Variants in FHIT observed in about 807,000 individuals in gnomAD.
FHIT encodes the protein bis(5'-adenosyl)-triphosphatase.
Under a neutral mutation model 17.9 loss-of-function variants are expected in FHIT, and 19 were observed. That is an observed-to-expected ratio of 1.06 (90% CI 0.74 to 1.56). The LOEUF is 1.56. FHIT is among the 40% of genes most tolerant of loss of function. The pLI, the probability that FHIT is intolerant of heterozygous loss-of-function variation, is 0.00. For synonymous variants in FHIT, 81 were observed against 69.7 expected (o/e 1.16, Z -0.81); for missense variants, 248 against 189.2 (o/e 1.31, Z -1.82).
At chr3:60,420,972 T>C (rs1250709837) in intron 5 of FHIT, among the ~76,000 whole-genome samples, 1 of 151,870 alleles carries the variant, frequency 6.6e-6, no homozygotes, top group Non-Finnish European at 1.5e-5. Context: ...CTCGTCTTTA[T>C]CTCCTCCTCA....
chr3:60,910,469 T>A (rs1466755279), intron 3 of FHIT, among the ~76,000 whole-genome samples: 11 of 151,036 alleles, frequency 7.3e-5, no homozygotes, highest in African/African-American at 2.7e-4. Context: ...TGGAGTGCAG[T>A]GGCGCAATCT....
intron 8 of FHIT, among the ~76,000 whole-genome samples, chr3:59,815,633 G>A (rs1161430605): frequency 1.3e-5 from 2 of 152,102 alleles, no homozygotes; most frequent in African/African-American, 4.8e-5. Flanking sequence ...AAGTAACTCA[G>A]GAATGAAAAA....
At chr3:60,020,087 A>G (rs1456897451) in intron 5 of FHIT, among the ~76,000 whole-genome samples, 2 of 152,190 alleles carry the variant, frequency 1.3e-5, no homozygotes, top group Non-Finnish European at 2.9e-5. Context: ...CTCATGAAAC[A>G]CAGAACCAAC....
At chr3:60,227,843 C>T (rs1161162126) in intron 5 of FHIT, among the ~76,000 whole-genome samples, 1 of 152,178 alleles carries the variant, frequency 6.6e-6, no homozygotes, top group Non-Finnish European at 1.5e-5. Flanking sequence ...GACACTCATA[C>T]AGAGCTGATT....
intron 5 of FHIT, among the ~76,000 whole-genome samples, chr3:60,045,033 T>C (rs1701594325): frequency 2.0e-5 from 3 of 151,942 alleles, no homozygotes; most frequent in African/African-American, 7.3e-5. Context: ...TTGGCCATCA[T>C]AAAAAACAGC....
At chr3:60,376,705 G>A (rs1700574907) in intron 5 of FHIT, among the ~76,000 whole-genome samples, 1 of 152,024 alleles carries the variant, frequency 6.6e-6, no homozygotes, top group African/African-American at 2.4e-5. Context: ...TTAGATTTTG[G>A]TAGCTAATTT....
chr3:60,942,731 T>G (rs1008172557), intron 3 of FHIT, among the ~76,000 whole-genome samples: 2 of 152,140 alleles, frequency 1.3e-5, no homozygotes, highest in Non-Finnish European at 2.9e-5. Context: ...ATTCCTTCCC[T>G]CTACTGTATT....
intron 3 of FHIT, among the ~76,000 whole-genome samples, chr3:60,895,807 A>G (rs1382539871): frequency 7.9e-6 from 1 of 127,308 alleles, no homozygotes; most frequent in Non-Finnish European, 1.7e-5. Context: ...TGTGTCATTC[A>G]GACAGGTCCT....
intron 4 of FHIT, among the ~76,000 whole-genome samples, chr3:60,621,315 C>CT (rs1188080074): frequency 9.2e-5 from 14 of 151,696 alleles, no homozygotes; most frequent in Non-Finnish European, 8.8e-5. Context: ...CGCCTAGCTA[C>CT]TTTTTTGTAT....
intron 4 of FHIT, among the ~76,000 whole-genome samples, chr3:60,663,160 A>ATATATATATATATC (rs1553691630): frequency 7.5e-6 from 1 of 132,566 alleles, no homozygotes; most frequent in African/African-American, 3.0e-5. Context: ...GGAGATATAT[A>ATATATATATATATC]TCTCTTTAAT....
Position 61,043,321 on chromosome 3 carries a change from G to A in FHIT, c.-163-1222C>T, listed in dbSNP as rs192551584. ...GGAGATTATATCCCGCGCCTAGCTC[G>A]GAGGGTCCCACGCCTAGCTCGGAGG... On this transcript the variant is annotated intron_variant, in intron 2 of 9. Coordinates refer to ENST00000492590, the MANE Select transcript of FHIT (RefSeq NM_002012.4). Among the ~76,000 whole-genome samples, 41 of 151,478 alleles carry A rather than the reference G, an allele frequency of 2.7e-4. No homozygotes were observed. The East Asian group carries it at 6.4e-3, about 24-fold the overall frequency.
intron 5 of FHIT, among the ~76,000 whole-genome samples, chr3:60,303,942 C>T (rs1228535911): frequency 2.6e-5 from 4 of 152,256 alleles, no homozygotes; most frequent in Admixed American, 1.3e-4. Flanking sequence ...ACATTTAAGA[C>T]ACCCACAACA....
chr3:60,234,590 A>G (rs563429777), intron 5 of FHIT, among the ~76,000 whole-genome samples: 1 of 152,326 alleles, frequency 6.6e-6, no homozygotes, highest in East Asian at 1.9e-4. Context: ...TTTAAAATTC[A>G]TTTCTAAGTC....
intron 5 of FHIT, among the ~76,000 whole-genome samples, chr3:60,018,746 A>T (rs1700440303): frequency 6.6e-6 from 1 of 152,042 alleles, no homozygotes; most frequent in African/African-American, 2.4e-5. Flanking sequence ...GGGAGGCCAA[A>T]GCGCGCGAAT....
intron 5 of FHIT, among the ~76,000 whole-genome samples, chr3:60,498,047 C>A (rs1167655919): frequency 1.3e-5 from 2 of 152,116 alleles, no homozygotes; most frequent in African/African-American, 4.8e-5. Context: ...CAAAAACAGC[C>A]ATAGAGGATA....
At chr3:60,281,559 G>A (rs1707454619) in intron 5 of FHIT, among the ~76,000 whole-genome samples, 1 of 150,000 alleles carries the variant, frequency 6.7e-6, no homozygotes, top group Admixed American at 6.7e-5. Flanking sequence ...CCTGGACAGA[G>A]GAGCAAAGGC....
At chr3:60,663,162 C>CTATATATATATATATATATATATATATA (rs562170635) in intron 4 of FHIT, among the ~76,000 whole-genome samples, 1 of 32,654 alleles carries the variant, frequency 3.1e-5, no homozygotes, top group African/African-American at 9.0e-5. Context: ...AGATATATAT[C>CTATATATATATATATATATATATATATA]TCTTTAATGT....
At chr3:59,817,437 G>A (rs1171798539) in intron 8 of FHIT, among the ~76,000 whole-genome samples, 1 of 151,820 alleles carries the variant, frequency 6.6e-6, no homozygotes, top group Non-Finnish European at 1.5e-5. Flanking sequence ...ATGATTTCCT[G>A]TGCTGTGGCT....
chr3:60,435,548 C>T (rs1053929312), intron 5 of FHIT, among the ~76,000 whole-genome samples: 3 of 151,978 alleles, frequency 2.0e-5, no homozygotes, highest in South Asian at 2.1e-4. Flanking sequence ...AAGGCTAATA[C>T]CTCCAGGGCA....
Sources: allele counts gnomAD v4.1 joint callset (sites outside exome capture counted in the v4.1 genomes callset), GRCh38; gene constraint gnomAD v4.1.1; transcripts MANE v1.5; gene names NCBI Gene and HGNC (gene_info 2026-07-23, HGNC 2026-07-21).